ADAMTS17: variants seen among roughly 807,000 people sequenced by gnomAD.
The protein encoded by ADAMTS17 is ADAM metallopeptidase with thrombospondin type 1 motif 17.
A neutral mutation model predicts 141.5 loss-of-function variants in ADAMTS17; 113 were observed. The ratio of observed to expected loss-of-function variants is 0.80; its 90% CI spans 0.69 to 0.93. The LOEUF (loss-of-function observed/expected upper bound fraction) is 0.93. Ranked by LOEUF, ADAMTS17 falls within the 40% of genes least tolerant of loss-of-function variation. ADAMTS17 has a pLI of 0.00. For synonymous variants in ADAMTS17, 768 were observed against 630.6 expected, an observed-to-expected ratio of 1.22 and a Z score of -3.27; for missense variants, 1,659 against 1,517.9, an observed-to-expected ratio of 1.09 and a Z score of -1.54.
chr15:100,051,133 G>C (rs1249291155), intron 17 of ADAMTS17, among the ~76,000 whole-genome samples: 5 of 152,224 alleles, frequency 3.3e-5, no homozygotes, highest in Admixed American at 3.3e-4. Context: ...CACCCGACTT[G>C]CAGGACTTTT....
At chr15:100,016,681 T>C (rs1036014699) in intron 18 of ADAMTS17, among the ~76,000 whole-genome samples, 2 of 152,200 alleles carry the variant, frequency 1.3e-5, no homozygotes, top group African/African-American at 2.4e-5. Context: ...CAGGATGGTA[T>C]TGAGGCTTGT....
chr15:100,232,760 G>C (rs1329343491), intron 7 of ADAMTS17, among the ~76,000 whole-genome samples: 1 of 152,146 alleles, frequency 6.6e-6, no homozygotes, highest in Non-Finnish European at 1.5e-5. Flanking sequence ...ACCCTGCCCA[G>C]GCCCTCCTCT....
intron 15 of ADAMTS17, among the ~76,000 whole-genome samples, chr15:100,089,120 A>G (rs535403401): frequency 6.6e-6 from 1 of 152,184 alleles, no homozygotes; most frequent in East Asian, 1.9e-4. Flanking sequence ...CAGAATCTAC[A>G]ATGAACTCAA....
At chr15:100,073,482 T>C (rs1050385402) in intron 15 of ADAMTS17, among the ~76,000 whole-genome samples, 7 of 152,118 alleles carry the variant, frequency 4.6e-5, no homozygotes, top group African/African-American at 1.7e-4. Flanking sequence ...ATTGCGGCAC[T>C]ATTCACAATA....
chr15:100,088,964 G>C (rs1178842106), intron 15 of ADAMTS17, among the ~76,000 whole-genome samples: 1 of 151,704 alleles, frequency 6.6e-6, no homozygotes, highest in Non-Finnish European at 1.5e-5. Context: ...AAAAGCAATG[G>C]CAACAAAAGC....
chr15:100,203,479 G>A (rs932193374), intron 7 of ADAMTS17, among the ~76,000 whole-genome samples: 3 of 152,216 alleles, frequency 2.0e-5, no homozygotes, highest in Non-Finnish European at 4.4e-5. Flanking sequence ...GACCGAGCAG[G>A]CGGATCATGA....
At chr15:100,145,624 T>C (rs192136912) in intron 10 of ADAMTS17, among the ~76,000 whole-genome samples, 77 of 152,294 alleles carry the variant, frequency 5.1e-4, no homozygotes, top group African/African-American at 1.7e-3. Flanking sequence ...CACATCTAAA[T>C]TGAACATGTC....
At chr15:100,301,921 T>C (rs1195563655) in intron 3 of ADAMTS17, among the ~76,000 whole-genome samples, 4 of 152,236 alleles carry the variant, frequency 2.6e-5, no homozygotes, top group African/African-American at 7.2e-5. Context: ...AACAGCTTTA[T>C]TGCTATCATC....
chr15:99,993,962 G>C lies in ADAMTS17; in HGVS notation c.2797-762C>G, dbSNP rs2060743091. ...AGCAGCAAGAAGGAGCGAAGAGGCA[G>C]GGGGCATGACAGGGTGTCAACACAG... On this transcript the variant is annotated intron_variant, in intron 19 of 21. Coordinates refer to ENST00000268070, the MANE Select transcript of ADAMTS17 (RefSeq NM_139057.4). The surrounding 1 kb of genome is among the most constrained non-coding windows in gnomAD (Gnocchi z 4.3). Among the ~76,000 whole-genome samples the C allele has an allele frequency of 6.6e-6, 1 of 152,190 alleles. No homozygotes were observed. Among genetic ancestry groups the C allele is most frequent in the South Asian group, 2.1e-4 (1 of 4,824 alleles).
chr15:100,105,985 C>G (rs1355468827), intron 14 of ADAMTS17, among the ~76,000 whole-genome samples: 1 of 150,086 alleles, frequency 6.7e-6, no homozygotes, highest in African/African-American at 2.4e-5. Flanking sequence ...GCCACCACAC[C>G]TGGCCTCAAG....
At chr15:100,140,395 T>C (rs2038566735) in intron 10 of ADAMTS17, among the ~76,000 whole-genome samples, 1 of 151,134 alleles carries the variant, frequency 6.6e-6, no homozygotes, top group South Asian at 2.1e-4. Flanking sequence ...AGTTAAAAAA[T>C]AACACAATTT....
intron 4 of ADAMTS17, among the ~76,000 whole-genome samples, chr15:100,279,322 GCAAA>G (rs1013282169): frequency 3.0e-4 from 46 of 152,164 alleles, no homozygotes; most frequent in Non-Finnish European, 7.3e-5. Flanking sequence ...ATCACACCAA[GCAAA>G]CAAAGGCGCC....
chr15:100,051,831 G>A (rs969878534), intron 16 of ADAMTS17, 100 bp from the exon 17 acceptor site: 2 of 1,462,294 alleles, frequency 1.4e-6, no homozygotes, highest in Non-Finnish European at 1.9e-6. Flanking sequence ...GTTTCTTTAT[G>A]AGGGGTAACC....
At chr15:100,040,131 A>T (rs2031114976) in intron 18 of ADAMTS17, among the ~76,000 whole-genome samples, 1 of 152,192 alleles carries the variant, frequency 6.6e-6, no homozygotes, top group South Asian at 2.1e-4. Context: ...TCATTGCTGT[A>T]AGAGTCAGCC....
Position 99,992,976 on chromosome 15 carries a change from A to C in ADAMTS17, c.2949+72T>G, listed in dbSNP as rs534452190. On this transcript the variant is annotated intron_variant, in intron 20 of 21. Coordinates refer to ENST00000268070, the MANE Select transcript of ADAMTS17 (RefSeq NM_139057.4). ...GCCGCGTAGAATTGGGACCCGTCAC[A>C]AGAGCTGAGTTCCCGACCCTCGAGC... 99 of 1,596,954 alleles carry C rather than the reference A, an allele frequency of 6.2e-5. 1 individual carries two copies. The East Asian group carries it at 2.2e-3, about 35-fold the overall frequency.
chr15:100,172,155 G>T (rs190810005), intron 8 of ADAMTS17, among the ~76,000 whole-genome samples: 3 of 152,272 alleles, frequency 2.0e-5, no homozygotes, highest in South Asian at 2.1e-4. Flanking sequence ...CTCAATTTCC[G>T]CAAAGCATTG....
intron 3 of ADAMTS17, among the ~76,000 whole-genome samples, chr15:100,320,697 G>A (rs963761208): frequency 7.2e-5 from 11 of 152,138 alleles, no homozygotes; most frequent in African/African-American, 2.7e-4. Flanking sequence ...GCCGGGTGTG[G>A]TGGCGCATGC....
At chr15:100,051,175 GTGGCCAAGAGGGAAGGGAATT>G (rs1340346237) in intron 17 of ADAMTS17, among the ~76,000 whole-genome samples, 1 of 152,206 alleles carries the variant, frequency 6.6e-6, no homozygotes, top group Non-Finnish European at 1.5e-5. Flanking sequence ...TGAGGTGACT[GTGGCCAAGAGGGAAGGGAATT>G]TGGGAGCGGG....
At chr15:100,055,251 T>C (rs2032471944) in intron 15 of ADAMTS17, among the ~76,000 whole-genome samples, 2 of 152,202 alleles carry the variant, frequency 1.3e-5, no homozygotes, top group South Asian at 4.1e-4. Flanking sequence ...GACTGTTCTC[T>C]GCTTACTGAG....
Sources: gnomAD v4.1 joint callset for allele counts (sites outside exome capture counted in the v4.1 genomes callset) on GRCh38, gnomAD v4.1.1 for gene constraint, Gnocchi (gnomAD v3.1) non-coding constraint, MANE v1.5 for transcripts, NCBI Gene and HGNC (gene_info 2026-07-23, HGNC 2026-07-21) for gene names.